KDM7A: variants seen among roughly 807,000 people sequenced by gnomAD.
KDM7A encodes lysine demethylase 7A.
In KDM7A, 28 loss-of-function variants were observed where a neutral mutation model predicts 114.8. That is an observed-to-expected ratio of 0.24 (90% confidence interval 0.18 to 0.33). The LOEUF (loss-of-function observed/expected upper bound fraction) is 0.33, where lower values mean the gene tolerates loss of function less well. Among genes scored for constraint, KDM7A ranks in the 10% least tolerant of loss-of-function variants. The pLI is 1.00. For missense variants in KDM7A, 942 were observed against 1,142.5 expected (o/e 0.82, Z 2.53); for synonymous variants, 423 against 397.8 (o/e 1.06, Z -0.75).
At chr7:140,104,545 A>G (rs780251069) in intron 11 of KDM7A, among the ~76,000 whole-genome samples, 23 of 152,222 alleles carry the variant, frequency 1.5e-4, no homozygotes, top group Admixed American at 1.0e-3. Flanking sequence ...TCCCAGCACC[A>G]TTTATTAAAT....
intron 4 of KDM7A, 59 bp from the exon 5 acceptor site, chr7:140,127,642 TA>T: frequency 7.3e-7 from 1 of 1,377,142 alleles, no homozygotes. Flanking sequence ...GCAGATGCTC[TA>T]ATCAAAAAAT....
At chr7:140,162,651 T>C (rs1794533360) in intron 1 of KDM7A, among the ~76,000 whole-genome samples, 1 of 152,300 alleles carries the variant, frequency 6.6e-6, no homozygotes, top group South Asian at 2.1e-4. Flanking sequence ...CACTTGTCTT[T>C]GATCAACAGA....
intron 1 of KDM7A, among the ~76,000 whole-genome samples, chr7:140,152,381 C>T (rs374473208): frequency 6.6e-6 from 1 of 152,122 alleles, no homozygotes; most frequent in African/African-American, 2.4e-5. Flanking sequence ...TCCTAGCACT[C>T]TGGGAGGCCA....
Position 140,086,746 on chromosome 7 carries a change from T to C in KDM7A, c.*4348A>G, listed in dbSNP as rs942992545. The C allele has an allele frequency of 2.6e-5, 4 of 152,116 alleles. No homozygotes were observed. The highest frequency in any genetic ancestry group is 5.9e-5 in the Non-Finnish European group (4 of 68,022). The allele number at this position is 152,116 out of a possible 1,614,324, so 9.4% of individuals were successfully genotyped here. On this transcript the variant is annotated 3_prime_UTR_variant, in exon 20 of 20. Transcript: ENST00000397560. ...CACTGTGTCTCCCCACGCAAATCAC[T>C]GTCCACTCTGGGTTACCTGTGTCTC...
chr7:140,148,484 T>C (rs919251706), intron 1 of KDM7A, among the ~76,000 whole-genome samples: 11 of 152,142 alleles, frequency 7.2e-5, no homozygotes, highest in South Asian at 4.1e-4. Context: ...TTAATATACA[T>C]AAAATGCTTA....
intron 9 of KDM7A, among the ~76,000 whole-genome samples, chr7:140,116,290 A>G (rs1818528844): frequency 6.6e-6 from 1 of 152,048 alleles, no homozygotes; most frequent in Admixed American, 6.6e-5. Flanking sequence ...TAGTATATTC[A>G]TACAACAGAA....
chr7:140,172,351 CAT>C (rs529963995), intron 1 of KDM7A, among the ~76,000 whole-genome samples: 403 of 152,128 alleles, frequency 2.6e-3, no homozygotes, highest in African/African-American at 7.8e-3. Context: ...CATTAGTAAA[CAT>C]AAGAAAAAGT....
chr7:140,122,372 G>C (rs1217631307), intron 7 of KDM7A, among the ~76,000 whole-genome samples: 1 of 151,894 alleles, frequency 6.6e-6, no homozygotes, highest in African/African-American at 2.4e-5. Flanking sequence ...AATCATAAAT[G>C]TCAATTTATG....
intron 1 of KDM7A, among the ~76,000 whole-genome samples, chr7:140,149,010 C>A (rs1190634267): frequency 6.6e-6 from 1 of 152,168 alleles, no homozygotes; most frequent in Non-Finnish European, 1.5e-5. Context: ...TTATGGTTCA[C>A]TTTTCCTACC....
In KDM7A at chr7:140,098,859, T is replaced by C; in HGVS notation, c.1918+20A>G. On this transcript the variant is annotated intron_variant, in intron 14 of 19. Coordinates refer to ENST00000397560, the MANE Select transcript of KDM7A (RefSeq NM_030647.2). ...ATTAGTAATCAAAAGATCTTTAAAA[T>C]AACCATTAAAAAAACATACCATTCA... is the stretch of plus-strand genomic sequence containing the variant. 6.3e-7 allele frequency: 1 copy of C among 1,583,470 alleles called. No individual in the cohort carries two copies.
At chr7:140,156,372 A>T (rs1021716001) in intron 1 of KDM7A, among the ~76,000 whole-genome samples, 7 of 152,220 alleles carry the variant, frequency 4.6e-5, no homozygotes, top group Non-Finnish European at 1.0e-4. Flanking sequence ...TATCAATGAA[A>T]TCCAAACTCT....
At chr7:140,124,480 A>G (rs971108060) in intron 7 of KDM7A, 141 bp downstream of exon 7, 8 of 594,550 alleles carry the variant, frequency 1.3e-5, no homozygotes, top group South Asian at 5.8e-5. Flanking sequence ...AACAAAACAT[A>G]AAAGTCCAAG....
chr7:140,115,208 C>T (rs1043241731), intron 9 of KDM7A, among the ~76,000 whole-genome samples: 5 of 141,768 alleles, frequency 3.5e-5, no homozygotes, highest in African/African-American at 5.2e-5. Flanking sequence ...CCGCCCCGTC[C>T]GGGAGGTAGG....
intron 13 of KDM7A, 80 bp downstream of exon 13, chr7:140,099,819 G>T: frequency 7.3e-7 from 1 of 1,365,674 alleles, no homozygotes; most frequent in Non-Finnish European, 1.0e-6. Flanking sequence ...TGCCAGAAAG[G>T]TTGAGGACCA....
At chr7:140,110,924 C>A (rs934104161) in intron 11 of KDM7A, among the ~76,000 whole-genome samples, 171 bp downstream of exon 11, 1 of 152,114 alleles carries the variant, frequency 6.6e-6, no homozygotes, top group African/African-American at 2.4e-5. Flanking sequence ...ATTTAAATTT[C>A]TCTTAAGGAC....
chr7:140,111,374 T>C (rs1818429002), intron 10 of KDM7A, among the ~76,000 whole-genome samples, 190 bp from the exon 11 acceptor site: 1 of 152,206 alleles, frequency 6.6e-6, no homozygotes, highest in Admixed American at 6.5e-5. Flanking sequence ...ACATACAAAA[T>C]CCTCTTAGAC....
intron 12 of KDM7A, among the ~76,000 whole-genome samples, 171 bp downstream of exon 12, chr7:140,101,780 T>C (rs1818229884): frequency 6.6e-6 from 1 of 152,116 alleles, no homozygotes; most frequent in East Asian, 1.9e-4. Flanking sequence ...CACTAAAACT[T>C]AGAAAGATTA....
intron 1 of KDM7A, among the ~76,000 whole-genome samples, chr7:140,139,561 T>G (rs538643947): frequency 1.7e-4 from 26 of 151,876 alleles, no homozygotes; most frequent in Non-Finnish European, 1.8e-4. Context: ...ATGACAAAAT[T>G]TGTGGGATGA....
intron 1 of KDM7A, among the ~76,000 whole-genome samples, chr7:140,145,295 G>A (rs1301113332): frequency 3.9e-5 from 6 of 152,132 alleles, no homozygotes; most frequent in African/African-American, 1.2e-4. Flanking sequence ...CCCGTGAAAT[G>A]TAAGTGGTCA....
Sources: allele counts gnomAD v4.1 joint callset (sites outside exome capture counted in the v4.1 genomes callset), GRCh38; gene constraint gnomAD v4.1.1; transcripts MANE v1.5; gene names NCBI Gene and HGNC (gene_info 2026-07-23, HGNC 2026-07-21).